The following CAMK4 variants were observed in gnomAD, a reference collection of about 807,000 sequenced individuals.
The protein encoded by CAMK4 is calcium/calmodulin dependent protein kinase IV, also known as calcium/calmodulin-dependent protein kinase type IV.
CAMK4 carries 22 observed loss-of-function variants against 44.9 expected under a neutral mutation model. The ratio of observed to expected loss-of-function variants is 0.49; its 90% confidence interval spans 0.35 to 0.70. CAMK4 has a LOEUF of 0.70. Ranked by LOEUF, CAMK4 falls within the 30% of genes least tolerant of loss-of-function variation. The pLI, the probability that CAMK4 is intolerant of heterozygous loss-of-function variation, is 0.01. For synonymous variants in CAMK4, 218 were observed against 215.4 expected, an observed-to-expected ratio of 1.01 and a Z score of -0.11; for missense variants, 498 against 586.8, an observed-to-expected ratio of 0.85 and a Z score of 1.56.
rs73216094 is a variant in CAMK4 at position 111,417,592 on chromosome 5, G to A, written c.459+22810G>A. Reference sequence around the variant, plus strand: ...CAGGGTGATCTCAAACTGGGCTCAAGTGATCCTCCTGCCTTGGATTCCCAA... The same window carrying A: ...CAGGGTGATCTCAAACTGGGCTCAAATGATCCTCCTGCCTTGGATTCCCAA... On this transcript the variant is annotated intron_variant, in intron 5 of 10. Coordinates refer to ENST00000282356, the MANE Select transcript of CAMK4 (RefSeq NM_001744.6). 1.4e-3 allele frequency among the ~76,000 whole-genome samples: 218 copies of A among 152,206 alleles called. 1 individual carries two copies. The highest frequency in any genetic ancestry group is 4.9e-3 in the African/African-American group (205 of 41,534).
intron 1 of CAMK4, among the ~76,000 whole-genome samples, chr5:111,343,411 G>T (rs1749725810): frequency 6.6e-6 from 1 of 151,718 alleles, no homozygotes; most frequent in Non-Finnish European, 1.5e-5. Context: ...TGCTTCTCAT[G>T]TGGTGTTTGG....
chr5:111,393,385 G>A (rs1246811557), intron 4 of CAMK4, among the ~76,000 whole-genome samples: 1 of 152,152 alleles, frequency 6.6e-6, no homozygotes, highest in Non-Finnish European at 1.5e-5. Flanking sequence ...TCAAGGTATA[G>A]AATGAAATGT....
intron 1 of CAMK4, among the ~76,000 whole-genome samples, chr5:111,338,390 A>T (rs962108449): frequency 6.6e-6 from 1 of 151,060 alleles, no homozygotes; most frequent in South Asian, 2.1e-4. Context: ...CTCCACTCCA[A>T]TCCTCTGGTG....
intron 5 of CAMK4, among the ~76,000 whole-genome samples, chr5:111,396,311 C>G (rs1356303014): frequency 2.0e-5 from 3 of 152,042 alleles, no homozygotes; most frequent in African/African-American, 7.3e-5. Flanking sequence ...GTGAATAAAA[C>G]CTGGAGAGGA....
At chr5:111,328,819 T>A (rs1162930551) in intron 1 of CAMK4, among the ~76,000 whole-genome samples, 1 of 152,068 alleles carries the variant, frequency 6.6e-6, no homozygotes, top group Non-Finnish European at 1.5e-5. Context: ...GTTTGTCTGT[T>A]ATTGGTGTAT....
intron 1 of CAMK4, among the ~76,000 whole-genome samples, chr5:111,256,943 C>A (rs1168553151): frequency 6.6e-6 from 1 of 151,994 alleles, no homozygotes; most frequent in Non-Finnish European, 1.5e-5. Flanking sequence ...ATAGACATGG[C>A]TTTTAAGCAG....
intron 6 of CAMK4, among the ~76,000 whole-genome samples, chr5:111,447,993 C>G (rs1405812938): frequency 6.6e-6 from 1 of 152,204 alleles, no homozygotes; most frequent in African/African-American, 2.4e-5. Flanking sequence ...GAGAGGTTTT[C>G]TTTCTGAAGG....
In CAMK4 at chr5:111,482,859, A is replaced by G. The variant is rs979122812; in HGVS notation, c.903A>G (p.Thr301=). The change falls in exon 10 of 11, where the codon ACA becomes ACG. Residue 301 remains threonine, a synonymous_variant. Coordinates refer to ENST00000282356, the MANE Select transcript of CAMK4 (RefSeq NM_001744.6). This position sits in a 1 kb window ranked among gnomAD's most constrained non-coding sequence, Gnocchi z 4.9. The part of the protein sequence containing the change: ...TFQALQHPWV[T]GKAANFVHMD... ...AAGCTCTCCAGCATCCGTGGGTCAC[A>G]GGTAAAGCAGCCAATTTTGTACACA... 1 of 1,613,282 alleles carries G rather than the reference A, an allele frequency of 6.2e-7. No individual in the cohort carries two copies. The highest frequency in any genetic ancestry group is 1.3e-5 in the African/African-American group (1 of 75,020).
At chr5:111,360,935 CA>C (rs1750566154) in intron 2 of CAMK4, among the ~76,000 whole-genome samples, 1 of 151,966 alleles carries the variant, frequency 6.6e-6, no homozygotes, top group African/African-American at 2.4e-5. Flanking sequence ...CATTCTAAAC[CA>C]AGAGTATGAT....
At chr5:111,398,972 G>A (rs1752123102) in intron 5 of CAMK4, among the ~76,000 whole-genome samples, 1 of 152,054 alleles carries the variant, frequency 6.6e-6, no homozygotes, top group African/African-American at 2.4e-5. Flanking sequence ...CACTCAGACT[G>A]CTATGAAACC....
At chr5:111,279,765 C>T (rs1750928481) in intron 1 of CAMK4, among the ~76,000 whole-genome samples, 1 of 151,736 alleles carries the variant, frequency 6.6e-6, no homozygotes, top group African/African-American at 2.4e-5. Context: ...GTATATTTAC[C>T]CATAGTTTTT....
chr5:111,485,188 T>C lies in CAMK4; in HGVS notation c.*722T>C, dbSNP rs1755571436. On this transcript the variant is annotated 3_prime_UTR_variant, in exon 11 of 11. Coordinates refer to ENST00000282356, the MANE Select transcript of CAMK4 (RefSeq NM_001744.6). ...ACTCACGCTGAGTTCCATTCTTTCC[T>C]TCACCTGCTCTCCAATAAGATGACT... The C allele has an allele frequency of 6.6e-6, 1 of 152,218 alleles. No individual in the cohort carries two copies. Among genetic ancestry groups the C allele is most frequent in the Admixed American group, 6.5e-5 (1 of 15,278 alleles). The allele number at this position is 152,218 out of a possible 1,614,324, so 9.4% of individuals were successfully genotyped here.
chr5:111,452,423 T>C (rs761675319), intron 7 of CAMK4, among the ~76,000 whole-genome samples: 15 of 152,330 alleles, frequency 9.8e-5, no homozygotes, highest in Admixed American at 2.0e-4. Flanking sequence ...TTTGTAAATA[T>C]CTTGATGATA....
At chr5:111,268,382 C>T (rs193086529) in intron 1 of CAMK4, among the ~76,000 whole-genome samples, 13 of 152,248 alleles carry the variant, frequency 8.5e-5, no homozygotes, top group Non-Finnish European at 1.8e-4. Context: ...TGTAAGTGTT[C>T]ATCTCTTTGG....
chr5:111,376,755 A>T (rs1031389821), intron 3 of CAMK4, 105 bp from the exon 4 acceptor site: 15 of 569,070 alleles, frequency 2.6e-5, no homozygotes, highest in Non-Finnish European at 4.3e-5. Flanking sequence ...ACAGTGATCC[A>T]ACATATTACT....
At position 111,432,909 on chromosome 5, in the gene CAMK4, G is replaced by A. The variant is rs116822298; in HGVS notation, c.460-13777G>A. On this transcript the variant is annotated intron_variant, in intron 5 of 10. Coordinates refer to ENST00000282356, the MANE Select transcript of CAMK4 (RefSeq NM_001744.6). Reference sequence around the variant, plus strand: ...CCTGTGCCTAGATTCTAAGAGTACAGAGATGAATAAGACAAATCCTGCTTT... The same window carrying A: ...CCTGTGCCTAGATTCTAAGAGTACAAAGATGAATAAGACAAATCCTGCTTT... Among the ~76,000 whole-genome samples, 553 of 152,120 alleles carry A rather than the reference G, an allele frequency of 3.6e-3. 3 individuals carry two copies. Among genetic ancestry groups the A allele is most frequent in the African/African-American group, 0.012 (514 of 41,502 alleles).
At chr5:111,368,124 G>A (rs890011180) in intron 2 of CAMK4, among the ~76,000 whole-genome samples, 1 of 152,000 alleles carries the variant, frequency 6.6e-6, no homozygotes, top group African/African-American at 2.4e-5. Flanking sequence ...TGTTAGTAAG[G>A]AAAAACTGCT....
chr5:111,457,467 T>C (rs1448663456), intron 7 of CAMK4, among the ~76,000 whole-genome samples: 2 of 152,238 alleles, frequency 1.3e-5, no homozygotes, highest in Non-Finnish European at 2.9e-5. Flanking sequence ...AGTCTTGTCT[T>C]CCATTAGTGC....
intron 1 of CAMK4, among the ~76,000 whole-genome samples, chr5:111,269,049 G>A (rs1035708592): frequency 6.6e-5 from 10 of 152,302 alleles, no homozygotes; most frequent in Non-Finnish European, 1.5e-4. Context: ...AGAAATCAAG[G>A]CATAGAAAAT....
Sources: gnomAD v4.1 joint callset for allele counts (sites outside exome capture counted in the v4.1 genomes callset) on GRCh38, gnomAD v4.1.1 for gene constraint, Gnocchi (gnomAD v3.1) non-coding constraint, MANE v1.5 for transcripts, NCBI Gene and HGNC (gene_info 2026-07-23, HGNC 2026-07-21) for gene names.